MAP3K5: variants seen among roughly 807,000 people sequenced by gnomAD.
The protein encoded by MAP3K5 is ASK-1.
Under a neutral mutation model 158.7 loss-of-function variants are expected in MAP3K5, and 56 were observed. The ratio of observed to expected loss-of-function variants is 0.35; its 90% CI spans 0.28 to 0.44. The LOEUF is 0.44. Among genes scored for constraint, MAP3K5 ranks in the 20% least tolerant of loss-of-function variants. The probability of loss-of-function intolerance (pLI) is 1.00; values close to 1 mark genes in which losing one functional copy is unlikely to be tolerated. For missense variants in MAP3K5, 1,294 were observed against 1,674.8 expected (o/e 0.77, Z 3.97); for synonymous variants, 579 against 601.7 (o/e 0.96, Z 0.55).
At chr6:136,751,515 A>G (rs1282164460) in intron 1 of MAP3K5, among the ~76,000 whole-genome samples, 2 of 152,216 alleles carry the variant, frequency 1.3e-5, no homozygotes, top group East Asian at 1.9e-4. Flanking sequence ...AAACACCAAA[A>G]TGCCTCTGAA....
intron 15 of MAP3K5, among the ~76,000 whole-genome samples, chr6:136,621,473 T>C (rs1418893933): frequency 6.6e-6 from 1 of 152,188 alleles, no homozygotes; most frequent in East Asian, 1.9e-4. Flanking sequence ...GTATGCCTTA[T>C]AGTTTTCTAT....
rs1830369231 is a variant in MAP3K5, at chr6:136,558,798, A to C, written c.4064+2T>G. 6.4e-7 allele frequency: 1 copy of C among 1,570,902 alleles called. No homozygotes were observed. The highest frequency in any genetic ancestry group is 1.4e-5 in the African/African-American group (1 of 73,960). On this transcript the variant is annotated splice_donor_variant, in intron 29 of 29. Coordinates refer to ENST00000359015, the MANE Select transcript of MAP3K5 (RefSeq NM_005923.4). LOFTEE classifies it high-confidence loss of function. ...TAGTGACAACAGAAAGAAAAGTGGTACCTTAGTCTCAAGCATTTTAAGTCA... is the reference window on the plus strand; with the variant it reads ...TAGTGACAACAGAAAGAAAAGTGGTCCCTTAGTCTCAAGCATTTTAAGTCA...
At chr6:136,673,857 A>T (rs536218606) in intron 7 of MAP3K5, among the ~76,000 whole-genome samples, 1 of 152,204 alleles carries the variant, frequency 6.6e-6, no homozygotes, top group South Asian at 2.1e-4. Context: ...TGTGAGATAT[A>T]ATGGATAAAA....
intron 21 of MAP3K5, among the ~76,000 whole-genome samples, chr6:136,600,247 G>A (rs1775815932): frequency 6.8e-6 from 1 of 147,812 alleles, no homozygotes; most frequent in Non-Finnish European, 1.5e-5. Context: ...CTGGAGTGCA[G>A]TGGTATAATC....
intron 15 of MAP3K5, among the ~76,000 whole-genome samples, chr6:136,621,112 C>T (rs1395178259): frequency 2.0e-5 from 3 of 151,440 alleles, no homozygotes; most frequent in East Asian, 1.9e-4. Flanking sequence ...TGGATATTGT[C>T]CCAGTTTTTT....
chr6:136,689,601 T>C (rs1295340479), intron 7 of MAP3K5, among the ~76,000 whole-genome samples: 1 of 152,182 alleles, frequency 6.6e-6, no homozygotes, highest in Non-Finnish European at 1.5e-5. Flanking sequence ...CATGAAAGGA[T>C]TAATGCTGTT....
intron 2 of MAP3K5, among the ~76,000 whole-genome samples, chr6:136,712,225 A>G (rs1462597999): frequency 7.0e-6 from 1 of 142,470 alleles, no homozygotes; most frequent in East Asian, 2.1e-4. Context: ...TCTATCACCC[A>G]GGCTGGAGTG....
At chr6:136,720,853 G>T (rs1042789264) in intron 1 of MAP3K5, among the ~76,000 whole-genome samples, 2 of 152,122 alleles carry the variant, frequency 1.3e-5, no homozygotes, top group Non-Finnish European at 2.9e-5. Context: ...GATCATGGCT[G>T]ACTGCAGCCT....
chr6:136,789,759 G>C (rs965482583), intron 1 of MAP3K5, among the ~76,000 whole-genome samples: 6 of 135,478 alleles, frequency 4.4e-5, no homozygotes, highest in South Asian at 2.3e-4. Flanking sequence ...TACAATCTCA[G>C]CTCACTGCAA....
intron 1 of MAP3K5, among the ~76,000 whole-genome samples, chr6:136,726,449 C>T (rs1258837004): frequency 6.6e-6 from 1 of 152,116 alleles, no homozygotes; most frequent in African/African-American, 2.4e-5. Flanking sequence ...AAAAATTAGC[C>T]AGGTACGGTG....
intron 13 of MAP3K5, among the ~76,000 whole-genome samples, chr6:136,638,117 A>C (rs1397071997): frequency 2.6e-5 from 4 of 152,162 alleles, no homozygotes; most frequent in Non-Finnish European, 1.5e-5. Flanking sequence ...ACAAGAAAAA[A>C]AATTCCCAAG....
intron 1 of MAP3K5, among the ~76,000 whole-genome samples, chr6:136,770,842 C>T (rs915408649): frequency 5.3e-5 from 8 of 151,826 alleles, no homozygotes; most frequent in African/African-American, 1.2e-4. Flanking sequence ...ATAATTTTGA[C>T]TAATTAAAAA....
chr6:136,719,895 A>T (rs1028327785), intron 2 of MAP3K5, among the ~76,000 whole-genome samples: 2 of 152,206 alleles, frequency 1.3e-5, no homozygotes, highest in Non-Finnish European at 2.9e-5. Flanking sequence ...GATGGAGGAA[A>T]TGCCTTTATA....
chr6:136,565,848 C>T (rs993905645), intron 26 of MAP3K5, among the ~76,000 whole-genome samples: 1 of 151,998 alleles, frequency 6.6e-6, no homozygotes, highest in African/African-American at 2.4e-5. Flanking sequence ...GATGGAAAGC[C>T]GTGGGAGATA....
At chr6:136,614,330 C>G (rs373520677) in intron 15 of MAP3K5, 44 bp from the exon 16 acceptor site, 3 of 1,594,260 alleles carry the variant, frequency 1.9e-6, no homozygotes, top group Non-Finnish European at 2.6e-6. Context: ...TGTAGCCAGA[C>G]TTTACTGTAT....
At chr6:136,626,569 C>G (rs532602273) in intron 14 of MAP3K5, among the ~76,000 whole-genome samples, 44 of 152,290 alleles carry the variant, frequency 2.9e-4, no homozygotes, top group Non-Finnish European at 5.7e-4. Context: ...ACAACGCCAC[C>G]TGAAGGAGCC....
chr6:136,726,367 T>C (rs960349672), intron 1 of MAP3K5, among the ~76,000 whole-genome samples: 2 of 152,206 alleles, frequency 1.3e-5, no homozygotes, highest in Non-Finnish European at 2.9e-5. Flanking sequence ...CCAAAGCAGG[T>C]GGCTCACTTG....
chr6:136,757,425 T>C (rs1425445267), intron 1 of MAP3K5, among the ~76,000 whole-genome samples: 1 of 152,210 alleles, frequency 6.6e-6, no homozygotes, highest in Non-Finnish European at 1.5e-5. Context: ...CAAGAATTTA[T>C]GAGCTGTCTG....
At position 136,712,037 on chromosome 6, in the gene MAP3K5, T is replaced by G. The variant is rs564279459; in HGVS notation, c.589-6904A>C. 2.0e-5 allele frequency among the ~76,000 whole-genome samples: 3 copies of G among 152,200 alleles called. No homozygotes were observed. The East Asian group carries it at 5.8e-4, about 29-fold the overall frequency. On this transcript the variant is annotated intron_variant, in intron 2 of 29. Transcript: ENST00000359015. The stretch of plus-strand genomic sequence containing the variant: ...AGTAATCCTAAAAGGAATTCTAGCC[T>G]CTCTTTTCCCTATTAATTTCTTTTC...
Sources: gnomAD v4.1 joint callset for allele counts (sites outside exome capture counted in the v4.1 genomes callset) on GRCh38, gnomAD v4.1.1 for gene constraint, MANE v1.5 for transcripts, NCBI Gene and HGNC (gene_info 2026-07-23, HGNC 2026-07-21) for gene names.